LRRC37A2: variants seen among roughly 807,000 people sequenced by gnomAD.
LRRC37A2 encodes leucine rich repeat containing 37 member A2, also known as leucine-rich repeat-containing protein 37A2.
LRRC37A2 carries 9 observed loss-of-function variants against 68.8 expected under a neutral mutation model. The ratio of observed to expected loss-of-function variants is 0.13; its 90% CI spans 0.08 to 0.23. The LOEUF (loss-of-function observed/expected upper bound fraction) is 0.23. Ranked by LOEUF, LRRC37A2 falls within the 10% of genes least tolerant of loss-of-function variation. The pLI is 1.00. For synonymous variants in LRRC37A2, 63 were observed against 367.6 expected, an observed-to-expected ratio of 0.17 and a Z score of 9.48; for missense variants, 168 against 950.4, an observed-to-expected ratio of 0.18 and a Z score of 10.82.
chr17:46,980,666 C>CAAAAATAAAAAAAAAAAAAA, the LRRC37A2 span, among the ~76,000 whole-genome samples: 1 of 83,886 alleles, frequency 1.2e-5, no homozygotes, highest in Non-Finnish European at 2.6e-5. Context: ...ACTAAAAATA[C>CAAAAATAAAAAAAAAAAAAA]AAAAAAAAAA....
At chr17:46,734,691 CATAG>C in the LRRC37A2 span, among the ~76,000 whole-genome samples, 3 of 152,030 alleles carry the variant, frequency 2.0e-5, no homozygotes, top group African/African-American at 4.8e-5. Context: ...CTGTGGACTA[CATAG>C]ATAGACAGTA....
At chr17:46,981,454 A>G in the LRRC37A2 span, among the ~76,000 whole-genome samples, 3 of 152,172 alleles carry the variant, frequency 2.0e-5, no homozygotes, top group Non-Finnish European at 4.4e-5. Flanking sequence ...TCTTTCTGGC[A>G]TGTGATGTCT....
At chr17:46,901,698 G>A in the LRRC37A2 span, among the ~76,000 whole-genome samples, 1 of 152,120 alleles carries the variant, frequency 6.6e-6, no homozygotes, top group Non-Finnish European at 1.5e-5. Flanking sequence ...GGTCTAGTCT[G>A]ATATCTCTTC....
the LRRC37A2 span, among the ~76,000 whole-genome samples, chr17:46,777,429 C>T: frequency 2.6e-5 from 4 of 152,222 alleles, no homozygotes; most frequent in Non-Finnish European, 2.9e-5. Context: ...GGTGGGTCTT[C>T]GCAGCCCAGC....
rs373123013 is a variant in LRRC37A2, at chr17:46,542,163, CAGA to C, written c.3053+1285_3053+1287del. Among the ~76,000 whole-genome samples the C allele has an allele frequency of 1.4e-4, 19 of 138,880 alleles. 1 individual carries two copies. Among genetic ancestry groups the C allele is most frequent in the African/African-American group, 5.4e-4 (18 of 33,068 alleles). 91.1% of individuals were successfully genotyped at this position (138,880 alleles called of 152,430 possible). A position where few individuals can be genotyped will look rare whatever the true frequency, so the allele number is the denominator to read the frequency against. ...AGAAATAAAAATGTTTTCTGAAGAG[CAGA>C]AGTTTTTAATTTTGACCAGCTTTAA... On this transcript the variant is annotated intron_variant, in intron 8 of 14. Transcript: ENST00000576629.
the LRRC37A2 span, among the ~76,000 whole-genome samples, chr17:46,676,318 C>T: frequency 1.4e-5 from 2 of 140,558 alleles, no homozygotes; most frequent in South Asian, 2.2e-4. Context: ...CCACAACCTC[C>T]GCCTCCCAGG....
At chr17:46,918,066 A>T in the LRRC37A2 span, among the ~76,000 whole-genome samples, 9 of 152,238 alleles carry the variant, frequency 5.9e-5, no homozygotes, top group East Asian at 1.3e-3. Context: ...CATGAATTTT[A>T]TAACACAGTT....
chr17:46,838,942 A>C, the LRRC37A2 span, among the ~76,000 whole-genome samples: 3 of 152,048 alleles, frequency 2.0e-5, no homozygotes, highest in African/African-American at 7.2e-5. Context: ...AAGTGGAGTG[A>C]TCTTGGCTCA....
the LRRC37A2 span, among the ~76,000 whole-genome samples, chr17:46,808,329 C>T: frequency 9.2e-5 from 14 of 152,342 alleles, no homozygotes; most frequent in South Asian, 2.7e-3. Context: ...AAGAGACTTC[C>T]CAGACGTTCA....
At chr17:46,939,457 G>C in the LRRC37A2 span, 7 of 987,042 alleles carry the variant, frequency 7.1e-6, no homozygotes, top group Non-Finnish European at 8.4e-6. Flanking sequence ...CTTGACCCTA[G>C]TCACTGATTT....
At chr17:46,822,102 C>G in the LRRC37A2 span, among the ~76,000 whole-genome samples, 1 of 152,304 alleles carries the variant, frequency 6.6e-6, no homozygotes, top group African/African-American at 2.4e-5. Flanking sequence ...TGCGAAGGGC[C>G]GAAGGCCTAA....
chr17:46,932,001 C>G, the LRRC37A2 span: 1 of 1,457,154 alleles, frequency 6.9e-7, no homozygotes, highest in Non-Finnish European at 9.6e-7. Context: ...CAGTACAAAG[C>G]CTGGCCCCCT....
the LRRC37A2 span, among the ~76,000 whole-genome samples, chr17:46,592,999 G>GC: frequency 8.1e-6 from 1 of 123,628 alleles, no homozygotes; most frequent in Non-Finnish European, 1.7e-5. Flanking sequence ...TTCTGCTCCT[G>GC]CCCCCCATAA....
the LRRC37A2 span, among the ~76,000 whole-genome samples, chr17:46,896,462 AAGAAAGAAAGAAAGAC>A: frequency 0.023 from 3,159 of 139,968 alleles, 190 homozygotes; most frequent in African/African-American, 0.076. Flanking sequence ...AAAAGAAAGA[AAGAAAGAAAGAAAGAC>A]AGACCAAGGC....
chr17:46,977,280 A>G, the LRRC37A2 span, among the ~76,000 whole-genome samples: 1 of 152,184 alleles, frequency 6.6e-6, no homozygotes, highest in Non-Finnish European at 1.5e-5. Context: ...TCCCACCCAC[A>G]GCAAAAGAGA....
chr17:46,816,046 G>C, the LRRC37A2 span, among the ~76,000 whole-genome samples: 1 of 152,038 alleles, frequency 6.6e-6, no homozygotes, highest in South Asian at 2.1e-4. Context: ...CATGAGCACT[G>C]ATATTCATGC....
At chr17:46,638,364 T>A in the LRRC37A2 span, among the ~76,000 whole-genome samples, 1 of 19,736 alleles carries the variant, frequency 5.1e-5, no homozygotes, top group Non-Finnish European at 8.6e-5. Flanking sequence ...TTTTATTTTT[T>A]AAAATTTTAT....
the LRRC37A2 span, among the ~76,000 whole-genome samples, chr17:46,957,375 G>A: frequency 6.6e-6 from 1 of 152,218 alleles, no homozygotes; most frequent in Non-Finnish European, 1.5e-5. Flanking sequence ...CAATTTGGGA[G>A]GCTGAGGCAG....
chr17:46,759,811 C>A, the LRRC37A2 span, among the ~76,000 whole-genome samples: 1 of 152,164 alleles, frequency 6.6e-6, no homozygotes, highest in East Asian at 1.9e-4. Context: ...TCCTTCCCTT[C>A]TTTCTTCATA....
Sources: gnomAD v4.1 joint callset for allele counts (sites outside exome capture counted in the v4.1 genomes callset) on GRCh38, gnomAD v4.1.1 for gene constraint, MANE v1.5 for transcripts, NCBI Gene and HGNC (gene_info 2026-07-23, HGNC 2026-07-21) for gene names.